Variants in KLHL1 observed in about 807,000 individuals in gnomAD.
The protein encoded by KLHL1 is kelch like family member 1, also known as kelch-like protein 1.
A neutral mutation model predicts 77.7 loss-of-function variants in KLHL1; 47 were observed. That is an observed-to-expected ratio of 0.60 (90% CI 0.48 to 0.77). The LOEUF is 0.77. Ranked by LOEUF, KLHL1 falls within the 30% of genes least tolerant of loss-of-function variation. The pLI, the probability that KLHL1 is intolerant of heterozygous loss-of-function variation, is 0.00. For missense variants in KLHL1, 925 were observed against 910.8 expected (o/e 1.02, Z -0.20); for synonymous variants, 360 against 325.2 (o/e 1.11, Z -1.15).
chr13:69,736,366 T>C (rs749996623), intron 8 of KLHL1, among the ~76,000 whole-genome samples: 2 of 152,036 alleles, frequency 1.3e-5, no homozygotes, highest in African/African-American at 4.8e-5. Flanking sequence ...GCAAGAATGG[T>C]CATAATCCAA....
intron 3 of KLHL1, among the ~76,000 whole-genome samples, chr13:69,949,093 C>T (rs1193658894): frequency 1.3e-5 from 2 of 148,646 alleles, no homozygotes; most frequent in Non-Finnish European, 2.9e-5. Context: ...TAACTGTTTC[C>T]CCCATTATTA....
intron 1 of KLHL1, among the ~76,000 whole-genome samples, chr13:70,088,814 T>G (rs1342652434): frequency 1.3e-5 from 2 of 152,050 alleles, no homozygotes; most frequent in Non-Finnish European, 2.9e-5. Context: ...TTCATGTACA[T>G]ATGAAAAAGA....
chr13:69,752,322 C>CT (rs1874523439), intron 7 of KLHL1, among the ~76,000 whole-genome samples: 1 of 149,770 alleles, frequency 6.7e-6, no homozygotes, highest in South Asian at 2.1e-4. Context: ...TCTGAGGACT[C>CT]TATCTATGTT....
Position 70,108,061 on chromosome 13 carries a change from T to C in KLHL1, c.-362A>G. The stretch of plus-strand genomic sequence containing the variant: ...GCTGGAGATGCGCGAGGGAGGGAGG[T>C]CTGAGCGCTCCGAAGCTCCGGAGGC... On this transcript the variant is annotated 5_prime_UTR_variant, in exon 1 of 11. Transcript: ENST00000377844. 1 of 418,906 alleles carries C rather than the reference T, an allele frequency of 2.4e-6. No homozygotes were observed. The highest frequency in any genetic ancestry group is 9.0e-5 in the South Asian group (1 of 11,092). 25.9% of individuals were successfully genotyped at this position (418,906 alleles called of 1,614,324 possible). A position where few individuals can be genotyped will look rare whatever the true frequency, so the allele number is the denominator to read the frequency against.
At position 70,075,615 on chromosome 13, in the gene KLHL1, T is replaced by TCC. The variant is rs1555295402; in HGVS notation, c.497+31587_497+31588insGG. Among the ~76,000 whole-genome samples, 3 of 38,428 alleles carry TCC rather than the reference T, an allele frequency of 7.8e-5. 1 individual carries two copies. Among genetic ancestry groups the TCC allele is most frequent in the African/African-American group, 2.4e-4 (3 of 12,326 alleles). The allele number at this position is 38,428 out of a possible 152,430, so 25.2% of individuals were successfully genotyped here. Reference sequence around the variant, plus strand: ...CACACACACACATATATATAGGACTTACATATATATATGTATATATATATA... The same window carrying TCC: ...CACACACACACATATATATAGGACTTCCACATATATATATGTATATATATATA... On this transcript the variant is annotated intron_variant, in intron 1 of 10. Coordinates refer to ENST00000377844, the MANE Select transcript of KLHL1 (RefSeq NM_020866.3).
chr13:69,948,697 G>A (rs555577101), intron 3 of KLHL1, among the ~76,000 whole-genome samples: 1 of 152,068 alleles, frequency 6.6e-6, no homozygotes, highest in Non-Finnish European at 1.5e-5. Context: ...AAAAAGTGAA[G>A]TTTATAGAAG....
chr13:70,004,687 T>G (rs1260589066), intron 1 of KLHL1, among the ~76,000 whole-genome samples: 1 of 151,932 alleles, frequency 6.6e-6, no homozygotes, highest in Admixed American at 6.6e-5. Flanking sequence ...AAACCATTTC[T>G]GCATTAAAAA....
chr13:69,977,839 A>T (rs1426672019), intron 1 of KLHL1, among the ~76,000 whole-genome samples: 1 of 152,276 alleles, frequency 6.6e-6, no homozygotes, highest in East Asian at 1.9e-4. Flanking sequence ...TACGTAATTG[A>T]TATTATTTCC....
At chr13:69,860,391 G>C (rs1265956954) in intron 5 of KLHL1, among the ~76,000 whole-genome samples, 1 of 151,892 alleles carries the variant, frequency 6.6e-6, no homozygotes, top group African/African-American at 2.4e-5. Flanking sequence ...GAATGTTAGT[G>C]GCATTGTAAG....
intron 1 of KLHL1, among the ~76,000 whole-genome samples, chr13:70,054,949 C>G (rs1042554633): frequency 6.6e-6 from 1 of 151,802 alleles, no homozygotes; most frequent in Admixed American, 6.6e-5. Flanking sequence ...CTCAAAAGGG[C>G]AAATCTAAGT....
intron 1 of KLHL1, among the ~76,000 whole-genome samples, chr13:70,096,707 CTT>C (rs545195270): frequency 1.3e-5 from 2 of 150,804 alleles, no homozygotes; most frequent in Non-Finnish European, 3.0e-5. Context: ...GTCATTTTCT[CTT>C]TTTTTCTTTT....
chr13:70,068,985 T>A (rs547836838), intron 1 of KLHL1, among the ~76,000 whole-genome samples: 1 of 152,192 alleles, frequency 6.6e-6, no homozygotes, highest in Admixed American at 6.5e-5. Flanking sequence ...TATATCAAAA[T>A]GTCTTAGGAG....
chr13:69,779,552 G>A (rs1876027309), intron 7 of KLHL1, among the ~76,000 whole-genome samples: 1 of 149,586 alleles, frequency 6.7e-6, no homozygotes, highest in African/African-American at 2.5e-5. Flanking sequence ...CTCTTTTTCT[G>A]GGATTACTAA....
At chr13:69,758,617 T>G (rs1369382420) in intron 7 of KLHL1, among the ~76,000 whole-genome samples, 1 of 152,132 alleles carries the variant, frequency 6.6e-6, no homozygotes, top group Non-Finnish European at 1.5e-5. Flanking sequence ...TTAAGTATAA[T>G]TTTCACTGTT....
intron 6 of KLHL1, among the ~76,000 whole-genome samples, chr13:69,824,809 T>C (rs1252700241): frequency 6.6e-6 from 1 of 152,118 alleles, no homozygotes; most frequent in Non-Finnish European, 1.5e-5. Flanking sequence ...GGCAATGCTC[T>C]ATCATGTTTA....
chr13:69,754,180 C>G (rs546649304), intron 7 of KLHL1, among the ~76,000 whole-genome samples: 1 of 151,968 alleles, frequency 6.6e-6, no homozygotes, highest in African/African-American at 2.4e-5. Context: ...TAGGAGCTAC[C>G]CTTTAAGAAA....
chr13:70,008,345 T>A (rs560793614), intron 1 of KLHL1, among the ~76,000 whole-genome samples: 2 of 152,050 alleles, frequency 1.3e-5, no homozygotes, highest in African/African-American at 4.8e-5. Flanking sequence ...TTGTGCCTCA[T>A]AGCTTGATTT....
At chr13:69,823,919 T>C (rs554985268) in intron 6 of KLHL1, among the ~76,000 whole-genome samples, 52 of 152,140 alleles carry the variant, frequency 3.4e-4, no homozygotes, top group Non-Finnish European at 5.7e-4. Flanking sequence ...CATTTGGGTA[T>C]TTATTCATAA....
chr13:69,978,336 G>T (rs17086052), intron 1 of KLHL1, among the ~76,000 whole-genome samples: 50,513 of 150,670 alleles, frequency 0.34, 9,179 homozygotes, highest in African/African-American at 0.47. Context: ...GCTTGGGTAC[G>T]CAGACTGCAT....
Sources: gnomAD v4.1 joint callset for allele counts (sites outside exome capture counted in the v4.1 genomes callset) on GRCh38, gnomAD v4.1.1 for gene constraint, MANE v1.5 for transcripts, NCBI Gene and HGNC (gene_info 2026-07-23, HGNC 2026-07-21) for gene names.